The following FOCAD variants were observed in gnomAD, a reference collection of about 807,000 sequenced individuals.
FOCAD encodes the protein focadhesin, also known as KIAA1797.
In FOCAD, 198 loss-of-function variants were observed where a neutral mutation model predicts 225.6. The ratio of observed to expected loss-of-function variants is 0.88; its 90% confidence interval spans 0.78 to 0.99. The LOEUF is 0.99. Ranked by LOEUF, FOCAD falls within the 50% of genes least tolerant of loss-of-function variation. FOCAD has a pLI of 0.00. For synonymous variants in FOCAD, 897 were observed against 755.0 expected, an observed-to-expected ratio of 1.19 and a Z score of -3.08; for missense variants, 2,713 against 2,123.6, an observed-to-expected ratio of 1.28 and a Z score of -5.46.
chr9:20,736,309 A>G lies in FOCAD; in HGVS notation c.288-3927A>G, dbSNP rs144139088. Among the ~76,000 whole-genome samples, 147 of 152,288 alleles carry G rather than the reference A, an allele frequency of 9.7e-4. 1 individual carries two copies. Among genetic ancestry groups the G allele is most frequent in the Non-Finnish European group, 1.8e-3 (121 of 68,026 alleles). On this transcript the variant is annotated intron_variant, in intron 4 of 43. Transcript: ENST00000338382. ...ACTTGGAAGCTTTTTCAATTTGAAGATGTAAGTGCAGTGAAATTTTCTTTG... is the reference window on the plus strand; with the variant it reads ...ACTTGGAAGCTTTTTCAATTTGAAGGTGTAAGTGCAGTGAAATTTTCTTTG...
chr9:20,751,964 A>C (rs573525912), intron 5 of FOCAD, among the ~76,000 whole-genome samples: 1 of 143,854 alleles, frequency 7.0e-6, no homozygotes, highest in Admixed American at 7.0e-5. Flanking sequence ...GTCTTTTGAG[A>C]AGTGTCTGTT....
chr9:20,949,318 T>C (rs1837475349), intron 32 of FOCAD, among the ~76,000 whole-genome samples: 1 of 152,186 alleles, frequency 6.6e-6, no homozygotes. Flanking sequence ...AGTGGACATA[T>C]ATATGTGTAA....
At chr9:20,783,441 A>G (rs981774605) in intron 10 of FOCAD, among the ~76,000 whole-genome samples, 1 of 151,964 alleles carries the variant, frequency 6.6e-6, no homozygotes, top group Non-Finnish European at 1.5e-5. Flanking sequence ...TGAATTTAAC[A>G]TGCCCCAAAC....
intron 6 of FOCAD, among the ~76,000 whole-genome samples, chr9:20,763,345 A>T (rs946272144): frequency 6.6e-6 from 1 of 152,188 alleles, no homozygotes; most frequent in East Asian, 1.9e-4. Context: ...AATCTCAGCT[A>T]CTTGGGAGAC....
chr9:20,716,062 G>A (rs1024201975), intron 2 of FOCAD: 4 of 437,080 alleles, frequency 9.2e-6, no homozygotes, highest in African/African-American at 2.0e-5. Flanking sequence ...ACAGCACCTT[G>A]GATACTTTCA....
chr9:20,666,189 C>G (rs1251248857), intron 2 of FOCAD, among the ~76,000 whole-genome samples: 1 of 152,144 alleles, frequency 6.6e-6, no homozygotes, highest in East Asian at 1.9e-4. Context: ...GTAGTACTAT[C>G]TCATTGTTTA....
chr9:20,911,269 T>C (rs1196260644), intron 22 of FOCAD, among the ~76,000 whole-genome samples: 5 of 152,066 alleles, frequency 3.3e-5, no homozygotes, highest in African/African-American at 7.2e-5. Flanking sequence ...AAATGAACTA[T>C]GAAGGATGTG....
chr9:20,775,813 A>T (rs1818700998), intron 8 of FOCAD, among the ~76,000 whole-genome samples: 1 of 151,948 alleles, frequency 6.6e-6, no homozygotes, highest in African/African-American at 2.4e-5. Context: ...CTCCTCCGAC[A>T]TCTGTGGCTG....
intron 4 of FOCAD, among the ~76,000 whole-genome samples, chr9:20,721,963 TTCTTTTTTCTCCCCTC>T: frequency 6.4e-5 from 2 of 31,322 alleles, no homozygotes; most frequent in African/African-American, 3.4e-4. Flanking sequence ...CTCCCCTCCC[TTCTTTTTTCTCCCCTC>T]CTTCCCTCCC....
intron 26 of FOCAD, among the ~76,000 whole-genome samples, chr9:20,927,170 A>T (rs1387751431): frequency 6.6e-6 from 1 of 152,156 alleles, no homozygotes; most frequent in East Asian, 1.9e-4. Flanking sequence ...TTGTAGTAGA[A>T]TAAACATTGG....
chr9:20,977,056 A>T (rs1396928014), intron 36 of FOCAD, among the ~76,000 whole-genome samples: 2 of 152,150 alleles, frequency 1.3e-5, no homozygotes, highest in Admixed American at 1.3e-4. Context: ...GGTTCTAGGG[A>T]GGAATTCATT....
chr9:20,891,907 G>A (rs1029707216), intron 21 of FOCAD, among the ~76,000 whole-genome samples: 3 of 152,136 alleles, frequency 2.0e-5, no homozygotes, highest in Non-Finnish European at 2.9e-5. Context: ...AGTGCCTGAA[G>A]GACAGGCTGG....
chr9:20,950,978 T>C lies in FOCAD; in HGVS notation c.3949-18T>C, dbSNP rs1317706546. The C allele has an allele frequency of 1.2e-6, 2 of 1,602,198 alleles. No individual in the cohort carries two copies. The highest frequency in any genetic ancestry group is 1.7e-5 in the Admixed American group (1 of 59,952). On this transcript the variant is annotated intron_variant, in intron 33 of 43. Coordinates refer to ENST00000338382, the MANE Select transcript of FOCAD (RefSeq NM_001375567.1). ...TGGATCTTATCCCATCATTGAACTGTTACCTTTTTATTTGTAGGTCATTAG... is the reference window on the plus strand; with the variant it reads ...TGGATCTTATCCCATCATTGAACTGCTACCTTTTTATTTGTAGGTCATTAG...
At chr9:20,747,664 A>G (rs1321887740) in intron 5 of FOCAD, among the ~76,000 whole-genome samples, 1 of 152,154 alleles carries the variant, frequency 6.6e-6, no homozygotes. Context: ...TATAAGTGGA[A>G]CAATACAGTG....
In FOCAD at chr9:20,781,946, T is replaced by C. The variant is rs1213532285; in HGVS notation, c.1197+17T>C. The stretch of plus-strand genomic sequence containing the variant: ...CACCAAAAGGTAATGAATCTATCCT[T>C]GTTTCTCTTAAATAAAGTGTCGATG... On this transcript the variant is annotated intron_variant, in intron 10 of 43. Transcript: ENST00000338382. 1.2e-6 allele frequency: 2 copies of C among 1,607,704 alleles called. No individual in the cohort carries two copies. Among genetic ancestry groups the C allele is most frequent in the East Asian group, 2.2e-5 (1 of 44,804 alleles).
chr9:20,816,448 C>T (rs1441408385), intron 11 of FOCAD, among the ~76,000 whole-genome samples: 4 of 152,112 alleles, frequency 2.6e-5, no homozygotes, highest in Non-Finnish European at 5.9e-5. Flanking sequence ...GATAGAATTC[C>T]TGTTCCAATC....
In FOCAD at chr9:20,929,454, A is replaced by G. The variant is rs754497159; in HGVS notation, c.3175A>G (p.Lys1059Glu). The change falls in exon 27 of 44, where the codon AAA becomes GAA. Residue 1059 changes from lysine to glutamate, a missense_variant. Transcript: ENST00000338382. ...TGTGCCAGTTTTCATTATCTCTTGC[A>G]AAGAGAAGGTTGAGGAAATCCTGAA... ...LLVPVFIISC[K>E]EKVEEILNML... The G allele has an allele frequency of 6.2e-7, 1 of 1,614,062 alleles. No individual in the cohort carries two copies. The highest frequency in any genetic ancestry group is 8.5e-7 in the Non-Finnish European group (1 of 1,179,990).
chr9:20,896,081 C>T (rs548461253), intron 21 of FOCAD, among the ~76,000 whole-genome samples: 104 of 151,650 alleles, frequency 6.9e-4, no homozygotes, highest in African/African-American at 2.4e-3. Flanking sequence ...AAAAACTGTT[C>T]GATTTTGTCA....
rs115651965 is a variant in FOCAD, at chr9:20,831,067, G to T, written c.1920+7952G>T. 7.3e-3 allele frequency among the ~76,000 whole-genome samples: 1,101 copies of T among 151,726 alleles called. 16 individuals carry two copies. Among genetic ancestry groups the T allele is most frequent in the African/African-American group, 0.025 (1,042 of 41,430 alleles). On this transcript the variant is annotated intron_variant, in intron 15 of 43. Transcript: ENST00000338382. Reference sequence around the variant, plus strand: ...CGTAGTTTTAAAGCAATTATTCTGTGTTTTTTTTATGGACAGCCTTTTCTT... The same window carrying T: ...CGTAGTTTTAAAGCAATTATTCTGTTTTTTTTTTATGGACAGCCTTTTCTT...
Sources: allele counts gnomAD v4.1 joint callset (sites outside exome capture counted in the v4.1 genomes callset), GRCh38; gene constraint gnomAD v4.1.1; transcripts MANE v1.5; gene names NCBI Gene and HGNC (gene_info 2026-07-23, HGNC 2026-07-21).